LRBA: variants seen among roughly 807,000 people sequenced by gnomAD.
LRBA encodes the protein LPS responsive beige-like anchor protein.
LRBA carries 176 observed loss-of-function variants against 330.0 expected under a neutral mutation model. The observed-to-expected ratio is 0.53, with a 90% CI of 0.47 to 0.60. The LOEUF is 0.60. LRBA is among the 20% of genes least tolerant of loss of function. The pLI, the probability that LRBA is intolerant of heterozygous loss-of-function variation, is 0.00. For synonymous variants in LRBA, 1,230 were observed against 1,193.0 expected, an observed-to-expected ratio of 1.03 and a Z score of -0.64; for missense variants, 3,259 against 3,444.8, an observed-to-expected ratio of 0.95 and a Z score of 1.35.
intron 20 of LRBA, among the ~76,000 whole-genome samples, 173 bp from the exon 21 acceptor site, chr4:150,868,478 A>G (rs939407774): frequency 1.3e-5 from 2 of 152,370 alleles, no homozygotes; most frequent in African/African-American, 4.8e-5. Context: ...TACATTCATT[A>G]GAAAGCATTT....
At chr4:150,567,875 T>C (rs1769334165) in intron 40 of LRBA, among the ~76,000 whole-genome samples, 2 of 152,194 alleles carry the variant, frequency 1.3e-5, no homozygotes, top group South Asian at 2.1e-4. Context: ...AGTAAATAAC[T>C]TGATATCTGC....
intron 47 of LRBA, among the ~76,000 whole-genome samples, chr4:150,394,675 C>T (rs1744459991): frequency 6.6e-6 from 1 of 152,126 alleles, no homozygotes; most frequent in African/African-American, 2.4e-5. Context: ...TTGTTTAAGC[C>T]TTAGAGCTAG....
chr4:150,573,640 A>G lies in LRBA; in HGVS notation c.6330+14408T>C, dbSNP rs1190091233. ...AAGTATCCACAAGCTTAGACAAACA[A>G]TAAGTTATCACGTAAGTGAAAGGAG... On this transcript the variant is annotated intron_variant, in intron 40 of 56. Transcript: ENST00000651943. Among the ~76,000 whole-genome samples, 5 of 152,300 alleles carry G rather than the reference A, an allele frequency of 3.3e-5. No individual in the cohort carries two copies. In the East Asian group the frequency reaches 9.7e-4, roughly 29 times the overall value.
At chr4:150,682,460 T>C (rs1783135656) in intron 37 of LRBA, among the ~76,000 whole-genome samples, 1 of 152,204 alleles carries the variant, frequency 6.6e-6, no homozygotes, top group Admixed American at 6.5e-5. Flanking sequence ...GACTTGCCTT[T>C]CTTTCTCTGA....
At chr4:150,424,175 T>A (rs935162517) in intron 46 of LRBA, among the ~76,000 whole-genome samples, 1 of 152,186 alleles carries the variant, frequency 6.6e-6, no homozygotes, top group Non-Finnish European at 1.5e-5. Context: ...AGATTTTACA[T>A]ATAGTATGAA....
rs1031028192 is a variant in LRBA, at chr4:150,906,084, T to C, written c.1603-94A>G. The C allele has an allele frequency of 8.2e-6, 9 of 1,096,718 alleles. No homozygotes were observed. The African/African-American group carries it at 1.4e-4, about 17-fold the overall frequency. The allele number at this position is 1,096,718 out of a possible 1,614,324, so 67.9% of individuals were successfully genotyped here. On this transcript the variant is annotated intron_variant, in intron 12 of 56. Transcript: ENST00000651943. ...ACCAGGAAAAAAACTGGCCCACAAA[T>C]TATGCTCAAAGTTAAAGATGCCATG...
intron 44 of LRBA, among the ~76,000 whole-genome samples, chr4:150,445,373 CTCTCTATATATATATATATA>C (rs1175303273): frequency 1.2e-4 from 10 of 83,984 alleles, no homozygotes; most frequent in African/African-American, 3.6e-4. Context: ...CTCTCTCTCT[CTCTCTATATATATATATATA>C]TATATATATA....
intron 47 of LRBA, among the ~76,000 whole-genome samples, chr4:150,411,795 G>A (rs368916694): frequency 5.3e-5 from 8 of 152,146 alleles, no homozygotes; most frequent in Non-Finnish European, 7.4e-5. Flanking sequence ...TCAGGAACCC[G>A]ATTAGCACCA....
At chr4:150,727,559 G>C (rs1199515273) in intron 36 of LRBA, among the ~76,000 whole-genome samples, 2 of 151,676 alleles carry the variant, frequency 1.3e-5, no homozygotes, top group Admixed American at 1.3e-4. Context: ...AATAATAACA[G>C]GAATATTAAA....
intron 36 of LRBA, among the ~76,000 whole-genome samples, chr4:150,700,961 T>C (rs1204494297): frequency 1.3e-5 from 2 of 152,168 alleles, no homozygotes; most frequent in Non-Finnish European, 2.9e-5. Context: ...GGTCTCCCTA[T>C]GTTGCCCAAG....
chr4:150,973,360 T>C (rs1288860020), intron 2 of LRBA, among the ~76,000 whole-genome samples: 1 of 152,010 alleles, frequency 6.6e-6, no homozygotes, highest in Non-Finnish European at 1.5e-5. Flanking sequence ...AGAGACGGGG[T>C]TTCTCCATAT....
At chr4:150,423,388 A>G (rs1355070443) in intron 46 of LRBA, 3 of 641,508 alleles carry the variant, frequency 4.7e-6, no homozygotes, top group Non-Finnish European at 5.6e-6. Context: ...GCCTGCTTTG[A>G]GTCCACAGTC....
intron 44 of LRBA, among the ~76,000 whole-genome samples, chr4:150,450,225 C>T (rs1227846940): frequency 6.6e-6 from 1 of 151,998 alleles, no homozygotes; most frequent in Non-Finnish European, 1.5e-5. Flanking sequence ...ATTCTTTTAT[C>T]AAAAAAATAA....
chr4:150,886,438 C>T (rs1008766412), intron 17 of LRBA, among the ~76,000 whole-genome samples: 15 of 152,190 alleles, frequency 9.9e-5, no homozygotes, highest in Admixed American at 3.9e-4. Context: ...ACCCAAGAGA[C>T]GCATGGGTGT....
intron 31 of LRBA, among the ~76,000 whole-genome samples, chr4:150,809,215 A>G (rs1027518837): frequency 2.6e-5 from 4 of 152,196 alleles, no homozygotes; most frequent in Non-Finnish European, 5.9e-5. Context: ...ATAGACTTTT[A>G]TATACAAACA....
chr4:150,955,719 C>G lies in LRBA; in HGVS notation c.217-26654G>C, dbSNP rs1482448997. Among the ~76,000 whole-genome samples the G allele has an allele frequency of 2.0e-5, 3 of 148,472 alleles. No individual in the cohort carries two copies. The East Asian group carries it at 5.8e-4, about 29-fold the overall frequency. The stretch of plus-strand genomic sequence containing the variant: ...CCAGCCTGGCCAACATGGTGAAACC[C>G]CATCTCTACTAAAAATACAAAAATT... On this transcript the variant is annotated intron_variant, in intron 2 of 56. Transcript: ENST00000651943.
chr4:150,613,301 GT>G lies in LRBA; in HGVS notation c.5922-14171del, dbSNP rs1415760397. Among the ~76,000 whole-genome samples the G allele has an allele frequency of 3.3e-5, 5 of 152,216 alleles. No homozygotes were observed. In the East Asian group the frequency reaches 9.6e-4, roughly 29 times the overall value. ...GAGATAATTACAATATATGCAAAAG[GT>G]ACCTTAGGGACACAGTTGAAGGGCA... On this transcript the variant is annotated intron_variant, in intron 37 of 56. Transcript: ENST00000651943.
chr4:150,754,279 A>G, intron 35 of LRBA, among the ~76,000 whole-genome samples: 1 of 152,000 alleles, frequency 6.6e-6, no homozygotes, highest in African/African-American at 2.4e-5. Context: ...ACATATGCTT[A>G]TCCTAATTAA....
chr4:150,642,059 C>T (rs1778730456), intron 37 of LRBA, among the ~76,000 whole-genome samples: 1 of 151,908 alleles, frequency 6.6e-6, no homozygotes, highest in African/African-American at 2.4e-5. Flanking sequence ...ACAATTAATA[C>T]AGTATTCTAA....
Sources: gnomAD v4.1 joint callset for allele counts (sites outside exome capture counted in the v4.1 genomes callset) on GRCh38, gnomAD v4.1.1 for gene constraint, MANE v1.5 for transcripts, NCBI Gene and HGNC (gene_info 2026-07-23, HGNC 2026-07-21) for gene names.